Variants in CCDC15 observed in about 807,000 individuals in gnomAD.
The protein encoded by CCDC15 is coiled-coil domain-containing protein 15.
In CCDC15, 105 loss-of-function variants were observed where a neutral mutation model predicts 114.5. The observed-to-expected ratio is 0.92, with a 90% CI of 0.78 to 1.08. The LOEUF is 1.08. Among genes scored for constraint, CCDC15 ranks in the 50% least tolerant of loss-of-function variants. The pLI is 0.00. For missense variants in CCDC15, 1,105 were observed against 1,093.6 expected, an observed-to-expected ratio of 1.01 and a Z score of -0.15; for synonymous variants, 334 against 377.8, an observed-to-expected ratio of 0.88 and a Z score of 1.34.
intron 6 of CCDC15, 24 bp from the exon 7 acceptor site, chr11:124,986,718 C>CGCGT (rs747169607): frequency 6.5e-7 from 1 of 1,529,832 alleles, no homozygotes; most frequent in Non-Finnish European, 8.8e-7. Flanking sequence ...CGCGCGTGCG[C>CGCGT]GTTTTCATTG....
At chr11:125,025,039 C>CATATTAATAT (rs1948687017) in intron 13 of CCDC15, among the ~76,000 whole-genome samples, 1 of 27,486 alleles carries the variant, frequency 3.6e-5, no homozygotes, top group Non-Finnish European at 7.7e-5. Context: ...TATATGAATA[C>CATATTAATAT]ATATGAATAT....
intron 6 of CCDC15, among the ~76,000 whole-genome samples, chr11:124,981,210 G>A (rs1948066958): frequency 6.6e-6 from 1 of 152,178 alleles, no homozygotes; most frequent in South Asian, 2.1e-4. Flanking sequence ...TGATTTTAGA[G>A]TGTGTGCCAT....
intron 13 of CCDC15, among the ~76,000 whole-genome samples, chr11:125,023,305 G>T (rs1298203301): frequency 6.6e-6 from 1 of 151,910 alleles, no homozygotes; most frequent in Non-Finnish European, 1.5e-5. Context: ...CGAAAGAGAA[G>T]ATTGATAAGT....
chr11:125,004,033 A>G (rs1304170843), intron 12 of CCDC15, 74 bp downstream of exon 12: 1 of 775,188 alleles, frequency 1.3e-6, no homozygotes, highest in Non-Finnish European at 1.9e-6. Flanking sequence ...ATTGGAAACA[A>G]TTTGTTGTGT....
intron 4 of CCDC15, among the ~76,000 whole-genome samples, chr11:124,963,140 C>G (rs1263915894): frequency 2.6e-5 from 4 of 152,152 alleles, no homozygotes; most frequent in Non-Finnish European, 5.9e-5. Context: ...GATTTATAAT[C>G]CTTTGGGTAT....
chr11:124,968,772 T>C (rs537330506), intron 4 of CCDC15, among the ~76,000 whole-genome samples: 1 of 152,320 alleles, frequency 6.6e-6, no homozygotes, highest in South Asian at 2.1e-4. Flanking sequence ...GAGCTGTTCC[T>C]ATTCAGCCAT....
Position 125,023,180 on chromosome 11 carries a change from C to T in CCDC15, c.2412-15251C>T, listed in dbSNP as rs371369357. On this transcript the variant is annotated intron_variant, in intron 13 of 15. Coordinates refer to ENST00000344762, the MANE Select transcript of CCDC15 (RefSeq NM_025004.3). Reference sequence around the variant, plus strand: ...GTGATCCAGTTTGAGTTAATTGTCACGTATGGTGTGAGGCTTATTTTTTTG... The same window carrying T: ...GTGATCCAGTTTGAGTTAATTGTCATGTATGGTGTGAGGCTTATTTTTTTG... Among the ~76,000 whole-genome samples the T allele has an allele frequency of 8.6e-5, 13 of 151,960 alleles. 1 individual carries two copies. The highest frequency in any genetic ancestry group is 3.1e-4 in the African/African-American group (13 of 41,520).
At chr11:124,994,450 C>T (rs1455213376) in intron 11 of CCDC15, among the ~76,000 whole-genome samples, 1 of 151,988 alleles carries the variant, frequency 6.6e-6, no homozygotes, top group Non-Finnish European at 1.5e-5. Context: ...CCATTGAAAC[C>T]TAGGGTATTT....
chr11:124,994,726 G>A (rs932456468), intron 11 of CCDC15, among the ~76,000 whole-genome samples: 4 of 152,024 alleles, frequency 2.6e-5, no homozygotes, highest in East Asian at 1.9e-4. Flanking sequence ...AAGGTTTGGG[G>A]GCATTGAGTT....
rs138546245 is a variant in CCDC15, at chr11:124,998,560, T to C, written c.2215-5307T>C. ...CAAACCTTTCACAGTCTACTTTGAG[T>C]TAATAGTTTACCACATTAAGTAAAT... On this transcript the variant is annotated intron_variant, in intron 11 of 15. Coordinates refer to ENST00000344762, the MANE Select transcript of CCDC15 (RefSeq NM_025004.3). 1.6e-4 allele frequency among the ~76,000 whole-genome samples: 24 copies of C among 152,290 alleles called. No individual in the cohort carries two copies. In the East Asian group the frequency reaches 2.7e-3, roughly 17 times the overall value.
At chr11:124,955,140 C>G (rs1017508181) in intron 2 of CCDC15, among the ~76,000 whole-genome samples, 2 of 152,184 alleles carry the variant, frequency 1.3e-5, no homozygotes, top group African/African-American at 4.8e-5. Flanking sequence ...ATATATAGAG[C>G]ATAATCTACA....
Position 124,977,474 on chromosome 11 carries a change from C to T in CCDC15, c.631-4C>T, listed in dbSNP as rs777035370. The T allele has an allele frequency of 2.9e-5, 46 of 1,572,474 alleles. No individual in the cohort carries two copies. Among genetic ancestry groups the T allele is most frequent in the Non-Finnish European group, 3.5e-5 (41 of 1,161,334 alleles). ...ATTTATATTTGTAGTAATTTTTTTTCCAGGAAGTGCTTTCCAGGAAACCAG... is the reference window on the plus strand; with the variant it reads ...ATTTATATTTGTAGTAATTTTTTTTTCAGGAAGTGCTTTCCAGGAAACCAG... On this transcript the variant is annotated splice_region_variant and splice_polypyrimidine_tract_variant and intron_variant, in intron 5 of 15. Transcript: ENST00000344762.
intron 11 of CCDC15, among the ~76,000 whole-genome samples, chr11:124,995,126 C>A (rs1366675449): frequency 6.6e-6 from 1 of 152,146 alleles, no homozygotes; most frequent in Non-Finnish European, 1.5e-5. Context: ...CCCTGCCAGG[C>A]TCTTTCCTAC....
intron 14 of CCDC15, 49 bp from the exon 15 acceptor site, chr11:125,038,872 A>C: frequency 1.9e-6 from 3 of 1,565,824 alleles, no homozygotes. Context: ...ATTCATACTC[A>C]CTTTCTTTTT....
At chr11:124,956,935 T>G (rs1861895528) in intron 2 of CCDC15, among the ~76,000 whole-genome samples, 1 of 152,158 alleles carries the variant, frequency 6.6e-6, no homozygotes, top group Admixed American at 6.5e-5. Context: ...TCCCCAAAAT[T>G]TCAGGGGGCC....
At chr11:125,027,984 A>C (rs1445666840) in intron 13 of CCDC15, among the ~76,000 whole-genome samples, 2 of 152,184 alleles carry the variant, frequency 1.3e-5, no homozygotes, top group East Asian at 3.8e-4. Context: ...CAATTTACTG[A>C]ACAGGGTGTC....
At chr11:124,972,856 C>G (rs552062486) in intron 4 of CCDC15, among the ~76,000 whole-genome samples, 1 of 152,276 alleles carries the variant, frequency 6.6e-6, no homozygotes, top group Non-Finnish European at 1.5e-5. Context: ...CTACCTCTCT[C>G]GTAAGGACAC....
At chr11:124,962,115 A>G (rs746883164) in intron 4 of CCDC15, among the ~76,000 whole-genome samples, 2 of 152,296 alleles carry the variant, frequency 1.3e-5, no homozygotes, top group South Asian at 2.1e-4. Flanking sequence ...AACTTTGTCC[A>G]TATGACTCCA....
At chr11:125,000,028 A>AT (rs1296938564) in intron 11 of CCDC15, among the ~76,000 whole-genome samples, 54 of 150,812 alleles carry the variant, frequency 3.6e-4, no homozygotes, top group Admixed American at 2.8e-3. Context: ...CGCCTGGCTA[A>AT]TTTTTTTTAT....
Sources: allele counts gnomAD v4.1 joint callset (sites outside exome capture counted in the v4.1 genomes callset), GRCh38; gene constraint gnomAD v4.1.1; transcripts MANE v1.5; gene names NCBI Gene and HGNC (gene_info 2026-07-23, HGNC 2026-07-21).